The following FN3K variants were observed in gnomAD, a reference collection of about 807,000 sequenced individuals.
The protein encoded by FN3K is fructosamine-3-kinase.
Under a neutral mutation model 24.8 loss-of-function variants are expected in FN3K, and 24 were observed. That is an observed-to-expected ratio of 0.97 (90% CI 0.70 to 1.36). FN3K has a LOEUF of 1.36. FN3K is among the 40% of genes most tolerant of loss of function. FN3K has a pLI of 0.00. For missense variants in FN3K, 449 were observed against 416.7 expected (o/e 1.08, Z -0.67); for synonymous variants, 192 against 175.2 (o/e 1.10, Z -0.76).
chr17:82,750,670 T>TGTTTAACTGCC lies in FN3K; in HGVS notation c.853_854insGCCGTTTAACT (p.Tyr285CysfsTer6). Reference sequence around the variant, plus strand: ...GACCAGCGGCTGCTGCTCTACCAGCTGTTTAACTACCTGAACCACTGGAAC... The same window carrying TGTTTAACTGCC: ...GACCAGCGGCTGCTGCTCTACCAGCTGTTTAACTGCCGTTTAACTACCTGAACCACTGGAAC... On this transcript the variant is annotated frameshift_variant, in exon 6 of 6. Transcript: ENST00000300784. LOFTEE classifies it low-confidence loss of function (END_TRUNC). 1 of 1,613,942 alleles carries TGTTTAACTGCC rather than the reference T, an allele frequency of 6.2e-7. No homozygotes were observed. The highest frequency in any genetic ancestry group is 8.5e-7 in the Non-Finnish European group (1 of 1,180,000).
At chr17:82,740,547 G>A (rs2046935603) in intron 2 of FN3K, among the ~76,000 whole-genome samples, 1 of 151,512 alleles carries the variant, frequency 6.6e-6, no homozygotes, top group African/African-American at 2.4e-5. Context: ...AGCCATGATT[G>A]TGCCACTGCA....
At position 82,750,917 on chromosome 17, in the gene FN3K, C is replaced by G. The variant is rs559316887; in HGVS notation, c.*162C>G. 16 of 402,254 alleles carry G rather than the reference C, an allele frequency of 4.0e-5. No individual in the cohort carries two copies. The Admixed American group carries it at 4.0e-4, about 10-fold the overall frequency. 24.9% of individuals were successfully genotyped at this position (402,254 alleles called of 1,614,324 possible). A position where few individuals can be genotyped will look rare whatever the true frequency, so the allele number is the denominator to read the frequency against. ...CCCCCCATCCTCCTGTCCCCGTCCC[C>G]CCGTCCCCGTCCCTCCATCCCTGTC... is the stretch of plus-strand genomic sequence containing the variant. On this transcript the variant is annotated 3_prime_UTR_variant, in exon 6 of 6. Coordinates refer to ENST00000300784, the MANE Select transcript of FN3K (RefSeq NM_022158.4).
intron 4 of FN3K, chr17:82,742,726 G>T (rs951323924): frequency 4.4e-6 from 2 of 456,070 alleles, no homozygotes; most frequent in African/African-American, 4.0e-5. Flanking sequence ...TCTTGAAGAA[G>T]CCAATATTGG....
chr17:82,750,113 T>G (rs897678170), intron 5 of FN3K, among the ~76,000 whole-genome samples: 19 of 152,034 alleles, frequency 1.2e-4, no homozygotes, highest in African/African-American at 4.1e-4. Context: ...TGTAGCGAAA[T>G]AAAAGTGGCC....
At chr17:82,743,900 G>A (rs945335608) in intron 4 of FN3K, among the ~76,000 whole-genome samples, 1 of 152,184 alleles carries the variant, frequency 6.6e-6, no homozygotes, top group Non-Finnish European at 1.5e-5. Context: ...CACCTTCCCC[G>A]GGTAGCTTGG....
chr17:82,745,991 G>A (rs939080653), intron 4 of FN3K, among the ~76,000 whole-genome samples: 35 of 152,020 alleles, frequency 2.3e-4, no homozygotes, highest in African/African-American at 8.2e-4. Flanking sequence ...CTACTTGGGA[G>A]GCTGAGGCAG....
intron 1 of FN3K, chr17:82,737,730 C>T (rs2046911298): frequency 1.3e-5 from 2 of 152,220 alleles, no homozygotes; most frequent in Admixed American, 6.5e-5. Context: ...CGTTTGAACC[C>T]AGGAGGCGGA....
At chr17:82,743,722 T>C (rs1320557984) in intron 4 of FN3K, among the ~76,000 whole-genome samples, 1 of 152,240 alleles carries the variant, frequency 6.6e-6, no homozygotes, top group Admixed American at 6.5e-5. Flanking sequence ...ATCCGTTTTA[T>C]AGATGAGGAA....
At chr17:82,740,120 C>G (rs2143642120) in intron 2 of FN3K, among the ~76,000 whole-genome samples, 1 of 152,154 alleles carries the variant, frequency 6.6e-6, no homozygotes, top group East Asian at 1.9e-4. Context: ...CCAGGCTGGT[C>G]TTGAACTCCT....
rs1205464682 is a variant in FN3K at position 82,738,923 on chromosome 17, CACAT to C, written c.293+285_293+288del. 1.2e-3 allele frequency among the ~76,000 whole-genome samples: 48 copies of C among 40,198 alleles called. No homozygotes were observed. In the Admixed American group the frequency reaches 0.018, roughly 15 times the overall value. 26.4% of individuals were successfully genotyped at this position (40,198 alleles called of 152,430 possible). ...AGGCTGCATAAAATATATATATATA[CACAT>C]ATATATATATATATATATATTTTTT... On this transcript the variant is annotated intron_variant, in intron 2 of 5. Transcript: ENST00000300784.
Position 82,750,778 on chromosome 17 carries a change from TGTCCCCGTCCCCGTCTCCGTCTCCCC to T in FN3K, c.*29_*54del, listed in dbSNP as rs773093163. ...TAGCGGCCCCTGCCCTCCCTTCCCC[TGTCCCCGTCCCCGTCTCCGTCTCCCC>T]GTCCCTGTCCCCCCGTCCCCCGTCC... On this transcript the variant is annotated 3_prime_UTR_variant, in exon 6 of 6. Coordinates refer to ENST00000300784, the MANE Select transcript of FN3K (RefSeq NM_022158.4). 4.8e-5 allele frequency: 75 copies of T among 1,551,764 alleles called. No individual in the cohort carries two copies. In the East Asian group the frequency reaches 4.9e-4, roughly 10 times the overall value.
In FN3K at chr17:82,748,817, C is replaced by T. The variant is rs750187445; in HGVS notation, c.469-38C>T. 1.3e-5 allele frequency: 21 copies of T among 1,611,060 alleles called. No individual in the cohort carries two copies. The East Asian group carries it at 1.3e-4, about 10-fold the overall frequency. ...CTAGGGTTTAGGCAGCACTTGGCTC[C>T]GAATTGCAACAGTGGCCTCTTTTCC... On this transcript the variant is annotated intron_variant, in intron 4 of 5. Transcript: ENST00000300784.
chr17:82,738,410 G>A, intron 1 of FN3K, 79 bp from the exon 2 acceptor site: 1 of 1,586,720 alleles, frequency 6.3e-7, no homozygotes, highest in South Asian at 1.1e-5. Context: ...ACTCCCACGT[G>A]GTAGCTTCTG....
chr17:82,738,379 C>T lies in FN3K; in HGVS notation c.142-110C>T, dbSNP rs183680841. The stretch of plus-strand genomic sequence containing the variant: ...CCAGCTCCCAGCCAGAGCCAGCTAT[C>T]AGTGAATGAAGGTCCTTGTGACTCC... On this transcript the variant is annotated intron_variant, in intron 1 of 5. Coordinates refer to ENST00000300784, the MANE Select transcript of FN3K (RefSeq NM_022158.4). The T allele has an allele frequency of 1.4e-3, 1,972 of 1,443,358 alleles. 3 individuals are homozygous for T. The highest frequency in any genetic ancestry group is 1.7e-3 in the Non-Finnish European group (1,799 of 1,037,898). 89.4% of individuals were successfully genotyped at this position (1,443,358 alleles called of 1,614,324 possible).
chr17:82,750,827 TCCCTGTGCCCCCGTCCCTGTCC>T lies in FN3K; in HGVS notation c.*79_*100del. 1.9e-6 allele frequency: 2 copies of T among 1,072,488 alleles called. No individual in the cohort carries two copies. Among genetic ancestry groups the T allele is most frequent in the Non-Finnish European group, 2.5e-6 (2 of 804,448 alleles). The allele number at this position is 1,072,488 out of a possible 1,614,324, so 66.4% of individuals were successfully genotyped here. A position where few individuals can be genotyped will look rare whatever the true frequency, so the allele number is the denominator to read the frequency against. On this transcript the variant is annotated 3_prime_UTR_variant, in exon 6 of 6. Transcript: ENST00000300784. The stretch of plus-strand genomic sequence containing the variant: ...CCCGTCCCTGTCCCCCCGTCCCCCG[TCCCTGTGCCCCCGTCCCTGTCC>T]CCCTGTTCCCGTCTCCCCGTCCCTC...
At chr17:82,744,198 C>G (rs945277187) in intron 4 of FN3K, among the ~76,000 whole-genome samples, 4 of 152,166 alleles carry the variant, frequency 2.6e-5, no homozygotes, top group African/African-American at 9.7e-5. Flanking sequence ...CAGGGAGATT[C>G]TTGGTGGGGG....
At chr17:82,750,272 T>G (rs981540887) in intron 5 of FN3K, 145 bp from the exon 6 acceptor site, 15 of 729,328 alleles carry the variant, frequency 2.1e-5, no homozygotes, top group African/African-American at 3.5e-5. Flanking sequence ...TGAAGTCAGG[T>G]GGCCCCTATT....
intron 1 of FN3K, among the ~76,000 whole-genome samples, chr17:82,736,932 C>A (rs905461532): frequency 2.0e-5 from 3 of 152,196 alleles, no homozygotes; most frequent in African/African-American, 7.2e-5. Context: ...CCTCCCACCC[C>A]CACGAGGGGC....
At chr17:82,746,703 T>G (rs1047873822) in intron 4 of FN3K, among the ~76,000 whole-genome samples, 5 of 152,032 alleles carry the variant, frequency 3.3e-5, no homozygotes, top group Non-Finnish European at 7.4e-5. Flanking sequence ...CTCGAAAGGC[T>G]GAGGCAGGAG....
Sources: allele counts gnomAD v4.1 joint callset (sites outside exome capture counted in the v4.1 genomes callset), GRCh38; gene constraint gnomAD v4.1.1; transcripts MANE v1.5; gene names NCBI Gene and HGNC (gene_info 2026-07-23, HGNC 2026-07-21).